Variants in SAMTOR observed in about 807,000 individuals in gnomAD.
SAMTOR encodes the protein UPF0532 protein C7orf60.
the SAMTOR span, among the ~76,000 whole-genome samples, chr7:112,908,465 G>T: frequency 6.6e-6 from 1 of 152,124 alleles, no homozygotes; most frequent in African/African-American, 2.4e-5. Context: ...CTTAGGAGTT[G>T]TCAAACTCGA....
At chr7:112,906,558 A>G in the SAMTOR span, among the ~76,000 whole-genome samples, 1 of 140,936 alleles carries the variant, frequency 7.1e-6, no homozygotes, top group Non-Finnish European at 1.5e-5. Context: ...GACTAGAACA[A>G]ATGGAAAGAC....
the SAMTOR span, among the ~76,000 whole-genome samples, chr7:112,825,330 GTCA>G: frequency 2.0e-5 from 3 of 152,020 alleles, no homozygotes; most frequent in African/African-American, 7.2e-5. Context: ...CCCACCTTAG[GTCA>G]TCTTTACTTT....
the SAMTOR span, among the ~76,000 whole-genome samples, chr7:112,890,749 G>A: frequency 2.6e-5 from 4 of 151,698 alleles, no homozygotes; most frequent in African/African-American, 9.7e-5. Context: ...TACAGTGAGA[G>A]GTGTGATCTC....
the SAMTOR span, among the ~76,000 whole-genome samples, chr7:112,841,935 G>A: frequency 6.6e-6 from 1 of 152,002 alleles, no homozygotes; most frequent in African/African-American, 2.4e-5. Flanking sequence ...ACTCAAGATG[G>A]ATTAAAGACT....
At chr7:112,822,496 T>A in the SAMTOR span, 1 of 855,942 alleles carries the variant, frequency 1.2e-6, no homozygotes, top group South Asian at 2.2e-5. Context: ...ACATTTTTCC[T>A]TTTAAATTAT....
At chr7:112,828,702 T>C in the SAMTOR span, among the ~76,000 whole-genome samples, 3 of 152,200 alleles carry the variant, frequency 2.0e-5, no homozygotes, top group Admixed American at 2.0e-4. Context: ...TGTATAGTTA[T>C]CACTTCTAGT....
the SAMTOR span, among the ~76,000 whole-genome samples, chr7:112,923,609 T>C: frequency 6.6e-6 from 1 of 152,166 alleles, no homozygotes; most frequent in Non-Finnish European, 1.5e-5. Flanking sequence ...TGTAAACTAG[T>C]TCAACCATTG....
the SAMTOR span, among the ~76,000 whole-genome samples, chr7:112,902,351 G>T: frequency 6.8e-6 from 1 of 147,438 alleles, no homozygotes; most frequent in Admixed American, 6.9e-5. Flanking sequence ...AGTGGACGGA[G>T]GTTGCGGTGA....
the SAMTOR span, among the ~76,000 whole-genome samples, chr7:112,885,164 G>C: frequency 3.8e-5 from 2 of 52,708 alleles, no homozygotes; most frequent in Non-Finnish European, 7.4e-5. Context: ...GGCTGCACAG[G>C]GCAGGGGGGG....
At chr7:112,939,789 C>G in the SAMTOR span, 30 of 1,511,474 alleles carry the variant, frequency 2.0e-5, no homozygotes, top group Non-Finnish European at 2.5e-5. Context: ...CTCAGGCCCC[C>G]GCAGACGCTC....
chr7:112,892,605 TA>T, the SAMTOR span, among the ~76,000 whole-genome samples: 2 of 151,926 alleles, frequency 1.3e-5, no homozygotes, highest in African/African-American at 4.8e-5. Flanking sequence ...TCTCTCTCTA[TA>T]AAAAATTTTA....
the SAMTOR span, among the ~76,000 whole-genome samples, chr7:112,890,421 A>C: frequency 3.3e-5 from 5 of 152,084 alleles, no homozygotes; most frequent in Non-Finnish European, 7.4e-5. Context: ...TCCACAGATT[A>C]AGTCTAAGCA....
the SAMTOR span, among the ~76,000 whole-genome samples, chr7:112,837,835 GA>G: frequency 2.0e-5 from 3 of 151,820 alleles, no homozygotes; most frequent in Non-Finnish European, 2.9e-5. Context: ...TACATACCTT[GA>G]ATTTATATGT....
chr7:112,918,389 G>A, the SAMTOR span, among the ~76,000 whole-genome samples: 1 of 152,094 alleles, frequency 6.6e-6, no homozygotes, highest in Non-Finnish European at 1.5e-5. Context: ...TTACAGACAA[G>A]CAAATGCTGA....
the SAMTOR span, among the ~76,000 whole-genome samples, chr7:112,903,344 C>G: frequency 7.3e-6 from 1 of 137,356 alleles, no homozygotes; most frequent in Non-Finnish European, 1.6e-5. Context: ...CATAAAAAGA[C>G]AAAAAAGAAA....
chr7:112,888,190 G>T, the SAMTOR span, among the ~76,000 whole-genome samples: 1,625 of 152,070 alleles, frequency 0.011, 30 homozygotes, highest in African/African-American at 0.037. Context: ...TGACCCTTGT[G>T]CTATTTAGAG....
At chr7:112,833,833 T>C in the SAMTOR span, among the ~76,000 whole-genome samples, 3 of 152,326 alleles carry the variant, frequency 2.0e-5, no homozygotes, top group Middle Eastern at 6.8e-3. Context: ...ATTTTTTATT[T>C]GCATAAAATA....
the SAMTOR span, chr7:112,915,490 T>C: frequency 3.6e-5 from 52 of 1,452,874 alleles, no homozygotes; most frequent in Non-Finnish European, 4.5e-5. Context: ...CACTGAAACA[T>C]GTCAGACTCT....
chr7:112,846,590 G>A, the SAMTOR span, among the ~76,000 whole-genome samples: 2 of 152,100 alleles, frequency 1.3e-5, no homozygotes, highest in Non-Finnish European at 2.9e-5. Context: ...AGTAAACCTG[G>A]ACAGGTTCAT....
Sources: gnomAD v4.1 joint callset for allele counts (sites outside exome capture counted in the v4.1 genomes callset) on GRCh38, gnomAD v4.1.1 for gene constraint, MANE v1.5 for transcripts, NCBI Gene and HGNC (gene_info 2026-07-23, HGNC 2026-07-21) for gene names.